Variants in IL1RAPL2 observed in about 807,000 individuals in gnomAD.
The protein encoded by IL1RAPL2 is interleukin 1 receptor accessory protein like 2.
IL1RAPL2 carries 3 observed loss-of-function variants against 44.1 expected under a neutral mutation model. The observed-to-expected ratio is 0.07, with a 90% CI of 0.03 to 0.18. The LOEUF (loss-of-function observed/expected upper bound fraction) is 0.18, where lower values mean the gene tolerates loss of function less well. Ranked by LOEUF, IL1RAPL2 falls within the 10% of genes least tolerant of loss-of-function variation. IL1RAPL2 has a pLI of 1.00. For synonymous variants in IL1RAPL2, 181 were observed against 178.8 expected (o/e 1.01, Z -0.10); for missense variants, 391 against 496.4 (o/e 0.79, Z 2.02).
At chrX:104,956,603 C>T (rs1224360011) in intron 2 of IL1RAPL2, among the ~76,000 whole-genome samples, 5 of 110,078 alleles carry the variant, frequency 4.5e-5, no homozygotes, top group African/African-American at 1.3e-4. Flanking sequence ...CTCCACTGCA[C>T]TCCAGCCTGG....
At chrX:104,584,107 T>G (rs984484197) in intron 1 of IL1RAPL2, among the ~76,000 whole-genome samples, 13 of 111,350 alleles carry the variant, frequency 1.2e-4, no homozygotes, top group African/African-American at 4.2e-4. Context: ...AGAATCTGAT[T>G]CAATAAATCT....
intron 1 of IL1RAPL2, among the ~76,000 whole-genome samples, chrX:104,578,283 G>A (rs1424418161): frequency 1.8e-5 from 2 of 112,153 alleles, no homozygotes; most frequent in African/African-American, 3.2e-5. Flanking sequence ...AATGATAGGG[G>A]CATGTGAAAA....
chrX:104,646,194 A>T (rs1204031444), intron 1 of IL1RAPL2, among the ~76,000 whole-genome samples: 4 of 111,902 alleles, frequency 3.6e-5, no homozygotes, highest in African/African-American at 1.3e-4. Context: ...GGAATAATAG[A>T]ATAAAACTAA....
chrX:105,337,605 T>A (rs2035037929), intron 5 of IL1RAPL2, among the ~76,000 whole-genome samples: 1 of 111,817 alleles, frequency 8.9e-6, no homozygotes, highest in African/African-American at 3.3e-5. Flanking sequence ...AATATAAAAC[T>A]GATAGGCTGG....
At chrX:104,942,760 C>G (rs10855535) in intron 2 of IL1RAPL2, among the ~76,000 whole-genome samples, 40,525 of 110,286 alleles carry the variant, frequency 0.37, 5,873 homozygotes, top group East Asian at 0.46. Context: ...AAAGGGCATC[C>G]CTGTCTTGTG....
intron 5 of IL1RAPL2, among the ~76,000 whole-genome samples, chrX:105,300,069 A>G (rs2034685167): frequency 9.0e-6 from 1 of 111,589 alleles, no homozygotes; most frequent in South Asian, 3.7e-4. Flanking sequence ...CAAAAATGTC[A>G]GTTCTTGTTA....
intron 2 of IL1RAPL2, among the ~76,000 whole-genome samples, chrX:104,889,056 C>A (rs1373404326): frequency 1.8e-5 from 2 of 111,346 alleles, no homozygotes; most frequent in East Asian, 2.8e-4. Flanking sequence ...CAACTTCAAG[C>A]CCCAACTGAT....
At chrX:105,618,567 G>A (rs753669425) in intron 6 of IL1RAPL2, among the ~76,000 whole-genome samples, 39 of 111,560 alleles carry the variant, frequency 3.5e-4, no homozygotes, top group Non-Finnish European at 5.3e-4. Flanking sequence ...TCAAAACAGA[G>A]GATTAAGTTC....
chrX:105,488,890 G>T (rs1388026972), intron 6 of IL1RAPL2, among the ~76,000 whole-genome samples: 1 of 111,893 alleles, frequency 8.9e-6, no homozygotes, highest in Non-Finnish European at 1.9e-5. Context: ...TATGTCTCTA[G>T]AGAAAAATAA....
chrX:105,218,827 A>G (rs1044562441), intron 3 of IL1RAPL2: 80 of 533,219 alleles, frequency 1.5e-4, no homozygotes, highest in Non-Finnish European at 1.6e-4. Flanking sequence ...TAAAGGTACC[A>G]TTGTCTCACC....
At chrX:105,163,705 G>C (rs760338173) in intron 2 of IL1RAPL2, among the ~76,000 whole-genome samples, 11 of 111,487 alleles carry the variant, frequency 9.9e-5, no homozygotes, top group Admixed American at 2.9e-4. Flanking sequence ...TCTAGGTCTT[G>C]AGAGTGTATG....
intron 6 of IL1RAPL2, among the ~76,000 whole-genome samples, chrX:105,547,999 G>A (rs1214789935): frequency 9.0e-6 from 1 of 111,521 alleles, no homozygotes; most frequent in Admixed American, 9.5e-5. Context: ...GAAGTTTAGT[G>A]CCTTCTAAAT....
Position 105,047,564 on chromosome X carries a change from A to T in IL1RAPL2, c.83-147911A>T, listed in dbSNP as rs932337255. The stretch of plus-strand genomic sequence containing the variant: ...TCAGTCCAGCTGTTAATGATGCAGG[A>T]TTCCTATGCTCTAGGGAGATTTTAG... On this transcript the variant is annotated intron_variant, in intron 2 of 10. Coordinates refer to ENST00000372582, the MANE Select transcript of IL1RAPL2 (RefSeq NM_017416.2). Among the ~76,000 whole-genome samples the T allele has an allele frequency of 6.3e-5, 7 of 111,424 alleles. No individual in the cohort carries two copies. The Admixed American group carries it at 6.7e-4, about 11-fold the overall frequency.
At chrX:104,880,045 T>C (rs1166627946) in intron 2 of IL1RAPL2, among the ~76,000 whole-genome samples, 2 of 106,062 alleles carry the variant, frequency 1.9e-5, no homozygotes, top group Non-Finnish European at 3.9e-5. Flanking sequence ...TCTCATTTTC[T>C]CCTGCTGAGT....
chrX:104,925,291 G>A (rs1168859608), intron 2 of IL1RAPL2, among the ~76,000 whole-genome samples: 1 of 106,636 alleles, frequency 9.4e-6, no homozygotes, highest in Admixed American at 1.0e-4. Flanking sequence ...GTAAGAGTCA[G>A]TACCATCTCT....
intron 9 of IL1RAPL2, among the ~76,000 whole-genome samples, chrX:105,749,595 A>C (rs936157857): frequency 8.9e-6 from 1 of 112,186 alleles, no homozygotes; most frequent in Non-Finnish European, 1.9e-5. Flanking sequence ...TTTAAAGCTC[A>C]AAGTACATGT....
intron 1 of IL1RAPL2, among the ~76,000 whole-genome samples, chrX:104,607,638 A>G (rs1245845483): frequency 8.9e-6 from 1 of 112,503 alleles, no homozygotes; most frequent in East Asian, 2.8e-4. Flanking sequence ...AAAAATGCTC[A>G]TCATCACTGG....
intron 2 of IL1RAPL2, among the ~76,000 whole-genome samples, chrX:104,853,412 G>A (rs1409837625): frequency 9.0e-6 from 1 of 111,078 alleles, no homozygotes; most frequent in Non-Finnish European, 1.9e-5. Flanking sequence ...TTTATGGTGG[G>A]CAAGTGTAAA....
At chrX:104,585,343 TTATATATATTA>T (rs1928523419) in intron 1 of IL1RAPL2, among the ~76,000 whole-genome samples, 5 of 17,865 alleles carry the variant, frequency 2.8e-4, no homozygotes, top group African/African-American at 1.1e-3. Context: ...ATATTATATA[TTATATATATTA>T]TATATATTAT....
Sources: gnomAD v4.1 joint callset for allele counts (sites outside exome capture counted in the v4.1 genomes callset) on GRCh38, gnomAD v4.1.1 for gene constraint, MANE v1.5 for transcripts, NCBI Gene and HGNC (gene_info 2026-07-23, HGNC 2026-07-21) for gene names.